Variants in SLC9A9 observed in about 807,000 individuals in gnomAD.
SLC9A9 encodes the protein solute carrier family 9 member A9, also known as sodium/hydrogen exchanger 9.
Under a neutral mutation model 77.8 loss-of-function variants are expected in SLC9A9, and 62 were observed. The ratio of observed to expected loss-of-function variants is 0.80; its 90% confidence interval spans 0.65 to 0.98. SLC9A9 has a LOEUF of 0.98. SLC9A9 is among the 50% of genes least tolerant of loss of function. SLC9A9 has a pLI of 0.00. For missense variants in SLC9A9, 775 were observed against 774.9 expected (o/e 1.00, Z 0.00); for synonymous variants, 320 against 283.5 (o/e 1.13, Z -1.29).
intron 8 of SLC9A9, among the ~76,000 whole-genome samples, chr3:143,566,936 A>T (rs1220412126): frequency 6.6e-6 from 1 of 152,168 alleles, no homozygotes; most frequent in African/African-American, 2.4e-5. Flanking sequence ...TTATCTTTAT[A>T]AACTGGAAAG....
In SLC9A9 at chr3:143,296,514, C is replaced by T. The variant is rs2030275400; in HGVS notation, c.1605-27534G>A. Among the ~76,000 whole-genome samples the T allele has an allele frequency of 2.0e-5, 3 of 152,348 alleles. No individual in the cohort carries two copies. In the South Asian group the frequency reaches 6.2e-4, roughly 32 times the overall value. On this transcript the variant is annotated intron_variant, in intron 14 of 15. Coordinates refer to ENST00000316549, the MANE Select transcript of SLC9A9 (RefSeq NM_173653.4). ...GCTTTGGCTATTGTGAATAATGCTG[C>T]AATGAACATGGGATGCAAATATCTT... is the stretch of plus-strand genomic sequence containing the variant.
chr3:143,765,241 G>A (rs781115576), intron 4 of SLC9A9, among the ~76,000 whole-genome samples: 8 of 143,008 alleles, frequency 5.6e-5, no homozygotes, highest in Middle Eastern at 3.4e-3. Context: ...GTTTCCCTAC[G>A]TTGCCCAGGC....
chr3:143,326,966 G>A (rs969925104), intron 14 of SLC9A9, among the ~76,000 whole-genome samples: 12 of 152,218 alleles, frequency 7.9e-5, no homozygotes, highest in Middle Eastern at 6.8e-3. Flanking sequence ...TTTCCTCAGC[G>A]GTAATGATCT....
chr3:143,414,338 G>A (rs189185370), intron 12 of SLC9A9, among the ~76,000 whole-genome samples: 2 of 152,326 alleles, frequency 1.3e-5, no homozygotes, highest in Admixed American at 1.3e-4. Flanking sequence ...CTGTATGTAT[G>A]TGTGTACAAG....
At chr3:143,753,259 C>T (rs1267141177) in intron 4 of SLC9A9, among the ~76,000 whole-genome samples, 2 of 151,950 alleles carry the variant, frequency 1.3e-5, no homozygotes, top group Admixed American at 1.3e-4. Flanking sequence ...GGGATTTGGC[C>T]TGCATGAAAA....
chr3:143,435,581 G>A (rs964250207), intron 12 of SLC9A9, among the ~76,000 whole-genome samples: 1 of 152,186 alleles, frequency 6.6e-6, no homozygotes, highest in African/African-American at 2.4e-5. Flanking sequence ...AAGGAAAAAT[G>A]TCTTCACCTT....
chr3:143,391,480 AC>A (rs2033564175), intron 12 of SLC9A9, among the ~76,000 whole-genome samples: 1 of 152,254 alleles, frequency 6.6e-6, no homozygotes. Context: ...CCAAAGGTAG[AC>A]AAAACCACAA....
intron 14 of SLC9A9, chr3:143,343,729 A>G (rs2032178295): frequency 6.6e-6 from 1 of 152,200 alleles, no homozygotes; most frequent in Non-Finnish European, 1.5e-5. Flanking sequence ...ATATACACCT[A>G]GAATATTTAC....
At chr3:143,670,067 A>C (rs759686723) in intron 5 of SLC9A9, among the ~76,000 whole-genome samples, 2 of 152,218 alleles carry the variant, frequency 1.3e-5, no homozygotes, top group African/African-American at 2.4e-5. Flanking sequence ...ACTCTTCTCT[A>C]TCTCTCTTCC....
rs1419256652 is a variant in SLC9A9 at position 143,751,118 on chromosome 3, C to T, written c.533+43883G>A. Among the ~76,000 whole-genome samples the T allele has an allele frequency of 2.6e-5, 4 of 152,168 alleles. No individual in the cohort carries two copies. The East Asian group carries it at 7.7e-4, about 29-fold the overall frequency. On this transcript the variant is annotated intron_variant, in intron 4 of 15. Transcript: ENST00000316549. ...TCATGGGCAGTTCTGTTTTGGAAGC[C>T]AGGCTAACTGGGACCATAGTTTGAT...
chr3:143,625,233 A>G (rs999322275), intron 6 of SLC9A9, among the ~76,000 whole-genome samples: 2 of 152,224 alleles, frequency 1.3e-5, no homozygotes, highest in African/African-American at 4.8e-5. Context: ...CAAGCTACCA[A>G]TGACTTTCTT....
At chr3:143,612,367 G>A (rs550431514) in intron 6 of SLC9A9, among the ~76,000 whole-genome samples, 8 of 152,188 alleles carry the variant, frequency 5.3e-5, no homozygotes, top group Non-Finnish European at 1.0e-4. Flanking sequence ...CAAACTCCAT[G>A]CAATCCTAGT....
intron 14 of SLC9A9, among the ~76,000 whole-genome samples, chr3:143,362,738 G>A (rs904467577): frequency 1.3e-5 from 2 of 152,264 alleles, no homozygotes; most frequent in Middle Eastern, 6.8e-3. Context: ...TTACAGTGCC[G>A]TTCTTTCCTT....
chr3:143,784,255 C>T (rs1249033181), intron 4 of SLC9A9, among the ~76,000 whole-genome samples: 2 of 152,188 alleles, frequency 1.3e-5, no homozygotes, highest in African/African-American at 2.4e-5. Flanking sequence ...GTGAGTCATC[C>T]TATCTCCCTT....
At chr3:143,271,628 T>C (rs574870778) in intron 14 of SLC9A9, among the ~76,000 whole-genome samples, 1 of 152,296 alleles carries the variant, frequency 6.6e-6, no homozygotes, top group East Asian at 1.9e-4. Context: ...ACTAAGTGAA[T>C]GGAAATTTTA....
chr3:143,583,941 G>A lies in SLC9A9; in HGVS notation c.756-5218C>T, dbSNP rs559335616. On this transcript the variant is annotated intron_variant, in intron 6 of 15. Transcript: ENST00000316549. ...GAATTTGTTTTGTGCAGAATGGTGTGTGGCACATAGTAAAGTGCTCAATAA... is the reference window on the plus strand; with the variant it reads ...GAATTTGTTTTGTGCAGAATGGTGTATGGCACATAGTAAAGTGCTCAATAA... Among the ~76,000 whole-genome samples the A allele has an allele frequency of 2.0e-5, 3 of 152,298 alleles. No homozygotes were observed. The South Asian group carries it at 6.2e-4, about 32-fold the overall frequency.
rs187082799 is a variant in SLC9A9, at chr3:143,315,843, A to C, written c.1605-46863T>G. Among the ~76,000 whole-genome samples, 3 of 152,368 alleles carry C rather than the reference A, an allele frequency of 2.0e-5. No homozygotes were observed. The East Asian group carries it at 5.8e-4, about 29-fold the overall frequency. On this transcript the variant is annotated intron_variant, in intron 14 of 15. Transcript: ENST00000316549. Reference sequence around the variant, plus strand: ...TTAATTGTGGAATGGTGGCACGAACACAATCCCATGGCCCTATGCTGTGAA... The same window carrying C: ...TTAATTGTGGAATGGTGGCACGAACCCAATCCCATGGCCCTATGCTGTGAA...
At chr3:143,456,568 CTT>C (rs71140437) in intron 12 of SLC9A9, among the ~76,000 whole-genome samples, 57 of 142,574 alleles carry the variant, frequency 4.0e-4, no homozygotes, top group Middle Eastern at 3.6e-3. Context: ...TTCTTTCTTT[CTT>C]TTTTTTTTTT....
chr3:143,789,772 C>T (rs2008163509), intron 4 of SLC9A9, among the ~76,000 whole-genome samples: 1 of 152,126 alleles, frequency 6.6e-6, no homozygotes, highest in South Asian at 2.1e-4. Context: ...CCCCTCACTC[C>T]TATGCCTCAT....
Sources: gnomAD v4.1 joint callset for allele counts (sites outside exome capture counted in the v4.1 genomes callset) on GRCh38, gnomAD v4.1.1 for gene constraint, MANE v1.5 for transcripts, NCBI Gene and HGNC (gene_info 2026-07-23, HGNC 2026-07-21) for gene names.